SLC35F1: variants seen among roughly 807,000 people sequenced by gnomAD.
SLC35F1 encodes the protein chromosome 6 open reading frame 169.
SLC35F1 carries 14 observed loss-of-function variants against 48.7 expected under a neutral mutation model. The observed-to-expected ratio is 0.29, with a 90% CI of 0.19 to 0.45. The LOEUF (loss-of-function observed/expected upper bound fraction) is 0.45. Ranked by LOEUF, SLC35F1 falls within the 20% of genes least tolerant of loss-of-function variation. The pLI, the probability that SLC35F1 is intolerant of heterozygous loss-of-function variation, is 1.00. For missense variants in SLC35F1, 404 were observed against 500.0 expected, an observed-to-expected ratio of 0.81 and a Z score of 1.83; for synonymous variants, 190 against 202.2, an observed-to-expected ratio of 0.94 and a Z score of 0.51.
At chr6:117,955,462 C>T (rs577130098) in intron 1 of SLC35F1, among the ~76,000 whole-genome samples, 1 of 152,280 alleles carries the variant, frequency 6.6e-6, no homozygotes, top group African/African-American at 2.4e-5. Context: ...TGACACAGTG[C>T]TTTGCATAAG....
intron 1 of SLC35F1, among the ~76,000 whole-genome samples, chr6:117,988,950 T>C (rs1210531281): frequency 2.0e-5 from 3 of 152,224 alleles, no homozygotes; most frequent in African/African-American, 4.8e-5. Context: ...TTATGTATAT[T>C]AATCAGAAAA....
At chr6:118,191,186 T>C (rs962989321) in intron 2 of SLC35F1, among the ~76,000 whole-genome samples, 1 of 152,188 alleles carries the variant, frequency 6.6e-6, no homozygotes, top group African/African-American at 2.4e-5. Context: ...TTACTGATTA[T>C]GCGGCGACAT....
intron 1 of SLC35F1, among the ~76,000 whole-genome samples, chr6:118,051,898 C>T (rs1772396314): frequency 6.6e-6 from 1 of 152,112 alleles, no homozygotes; most frequent in South Asian, 2.1e-4. Flanking sequence ...GCCAGAAGAA[C>T]CAGAGTGGTG....
At chr6:118,102,209 G>T (rs1426824473) in intron 1 of SLC35F1, among the ~76,000 whole-genome samples, 1 of 152,110 alleles carries the variant, frequency 6.6e-6, no homozygotes, top group Non-Finnish European at 1.5e-5. Context: ...TTATAGACAG[G>T]GTCTCACTCT....
At chr6:118,114,132 C>T (rs1773445217) in intron 1 of SLC35F1, among the ~76,000 whole-genome samples, 1 of 152,124 alleles carries the variant, frequency 6.6e-6, no homozygotes, top group Non-Finnish European at 1.5e-5. Flanking sequence ...GAAACTACCT[C>T]TGAAAAGCTG....
rs114053199 is a variant in SLC35F1 at position 118,025,485 on chromosome 6, T to A, written c.173+117586T>A. ...ATTTTACCAGAAAGTTATTCCCCTG[T>A]GGTTTCCATGCTGTGCTCTTTGGAA... On this transcript the variant is annotated intron_variant, in intron 1 of 7. Coordinates refer to ENST00000360388, the MANE Select transcript of SLC35F1 (RefSeq NM_001029858.4). Among the ~76,000 whole-genome samples the A allele has an allele frequency of 4.8e-3, 728 of 152,288 alleles. 6 individuals are homozygous for A. Among genetic ancestry groups the A allele is most frequent in the African/African-American group, 0.016 (645 of 41,556 alleles).
intron 1 of SLC35F1, among the ~76,000 whole-genome samples, chr6:118,098,117 C>A (rs1773204309): frequency 6.6e-6 from 1 of 152,128 alleles, no homozygotes; most frequent in Admixed American, 6.6e-5. Flanking sequence ...ATACAATGAA[C>A]AAATCAGTTA....
intron 1 of SLC35F1, among the ~76,000 whole-genome samples, chr6:117,975,538 T>C (rs915100211): frequency 6.6e-6 from 1 of 152,204 alleles, no homozygotes; most frequent in African/African-American, 2.4e-5. Context: ...GAATTAATTG[T>C]GTATCTTAAC....
At chr6:118,140,322 G>A in intron 1 of SLC35F1, among the ~76,000 whole-genome samples, 1 of 152,140 alleles carries the variant, frequency 6.6e-6, no homozygotes, top group Admixed American at 6.5e-5. Context: ...TATAACAGTG[G>A]TCCCATAAGA....
At chr6:118,056,246 T>G (rs1772460835) in intron 1 of SLC35F1, among the ~76,000 whole-genome samples, 2 of 152,214 alleles carry the variant, frequency 1.3e-5, no homozygotes, top group South Asian at 4.1e-4. Flanking sequence ...AAAAGTATAA[T>G]TTAAATTTGT....
chr6:118,087,548 G>A (rs1275258839), intron 1 of SLC35F1, among the ~76,000 whole-genome samples: 1 of 152,058 alleles, frequency 6.6e-6, no homozygotes, highest in Non-Finnish European at 1.5e-5. Context: ...AGAATTATCA[G>A]CAAGTCATTA....
At chr6:118,154,654 T>C in intron 2 of SLC35F1, 34 bp downstream of exon 2, 3 of 1,553,360 alleles carry the variant, frequency 1.9e-6, no homozygotes, top group Non-Finnish European at 2.6e-6. Context: ...ATATAACTTT[T>C]ACAAACACCT....
intron 1 of SLC35F1, among the ~76,000 whole-genome samples, chr6:118,146,117 T>C (rs1773969494): frequency 6.6e-6 from 1 of 152,192 alleles, no homozygotes; most frequent in Admixed American, 6.5e-5. Flanking sequence ...GCCTGTATTA[T>C]GGAGCTAATG....
At chr6:118,013,044 T>C (rs1382011331) in intron 1 of SLC35F1, among the ~76,000 whole-genome samples, 1 of 152,144 alleles carries the variant, frequency 6.6e-6, no homozygotes, top group African/African-American at 2.4e-5. Context: ...TAAATATTAA[T>C]AGCATCACTG....
At chr6:118,155,510 T>C (rs983614220) in intron 2 of SLC35F1, among the ~76,000 whole-genome samples, 1 of 152,222 alleles carries the variant, frequency 6.6e-6, no homozygotes, top group Admixed American at 6.5e-5. Context: ...CTGTCTGCCA[T>C]GTGAGGATGC....
At chr6:118,290,280 T>A (rs1415999965) in intron 7 of SLC35F1, among the ~76,000 whole-genome samples, 1 of 151,928 alleles carries the variant, frequency 6.6e-6, no homozygotes, top group South Asian at 2.1e-4. Flanking sequence ...GAAACAGAAA[T>A]CTTTAAAATA....
chr6:118,117,474 T>A (rs994804774), intron 1 of SLC35F1, among the ~76,000 whole-genome samples: 1 of 152,212 alleles, frequency 6.6e-6, no homozygotes, highest in African/African-American at 2.4e-5. Context: ...AGTAGTCTTC[T>A]GAAATTATCA....
intron 1 of SLC35F1, among the ~76,000 whole-genome samples, chr6:118,112,117 T>A (rs1400521618): frequency 1.2e-4 from 11 of 90,732 alleles, no homozygotes; most frequent in Admixed American, 1.6e-4. Context: ...TTTTCTTTTC[T>A]TTTCTTTTCT....
chr6:118,086,154 A>G (rs1387005588), intron 1 of SLC35F1, among the ~76,000 whole-genome samples: 1 of 152,160 alleles, frequency 6.6e-6, no homozygotes, highest in South Asian at 2.1e-4. Context: ...GTTTTCTCCA[A>G]TGTAAAAAAA....
Sources: gnomAD v4.1 joint callset for allele counts (sites outside exome capture counted in the v4.1 genomes callset) on GRCh38, gnomAD v4.1.1 for gene constraint, MANE v1.5 for transcripts, NCBI Gene and HGNC (gene_info 2026-07-23, HGNC 2026-07-21) for gene names.